Variants in COL18A1 observed in about 807,000 individuals in gnomAD.
COL18A1 encodes the protein collagen type XVIII alpha 1 chain, also known as collagen alpha-1(XVIII) chain.
Under a neutral mutation model 168.0 loss-of-function variants are expected in COL18A1, and 133 were observed. The observed-to-expected ratio is 0.79, with a 90% CI of 0.69 to 0.91. The LOEUF (loss-of-function observed/expected upper bound fraction) is 0.91. Ranked by LOEUF, COL18A1 falls within the 40% of genes least tolerant of loss-of-function variation. COL18A1 has a pLI of 0.00. For missense variants in COL18A1, 2,126 were observed against 1,925.4 expected, an observed-to-expected ratio of 1.10 and a Z score of -1.95; for synonymous variants, 949 against 809.0, an observed-to-expected ratio of 1.17 and a Z score of -2.94.
intron 36 of COL18A1, 129 bp from the exon 37 acceptor site, chr21:45,505,709 C>T (rs535928135): frequency 1.1e-4 from 84 of 781,764 alleles, no homozygotes; most frequent in Non-Finnish European, 1.4e-4. Flanking sequence ...TGGGGGCAGC[C>T]GCCTCAGTCC....
intron 32 of COL18A1, among the ~76,000 whole-genome samples, chr21:45,500,603 G>A (rs1181081829): frequency 6.5e-5 from 1 of 15,270 alleles, no homozygotes; most frequent in African/African-American, 3.1e-4. Flanking sequence ...GTGTAGTGTG[G>A]GGGTGTGGTT....
At chr21:45,440,069 C>T (rs926199888) in intron 2 of COL18A1, among the ~76,000 whole-genome samples, 3 of 152,222 alleles carry the variant, frequency 2.0e-5, no homozygotes, top group African/African-American at 7.2e-5. Context: ...GCGGAGGGGC[C>T]GGTCCTCCGA....
chr21:45,405,320 C>CCTGCGGGGGTCCTGCGGGGGTCCTGCGG (rs1569270282), intron 1 of COL18A1, 59 bp from the exon 2 acceptor site: 1 of 375,826 alleles, frequency 2.7e-6, no homozygotes, highest in Non-Finnish European at 3.3e-6. Flanking sequence ...GGGGCTCGGC[C>CCTGCGGGGGTCCTGCGGGGGTCCTGCGG]GGGTCCTGCG....
At chr21:45,417,386 C>T (rs939035445) in intron 2 of COL18A1, among the ~76,000 whole-genome samples, 3 of 152,232 alleles carry the variant, frequency 2.0e-5, no homozygotes, top group African/African-American at 4.8e-5. Context: ...GGCCCCCGAA[C>T]GTGCCTGCCT....
rs578202936 is a variant in COL18A1 at position 45,468,803 on chromosome 21, C to A, written c.651+17C>A. 1 of 1,205,740 alleles carries A rather than the reference C, an allele frequency of 8.3e-7. No homozygotes were observed. Among genetic ancestry groups the A allele is most frequent in the Middle Eastern group, 3.2e-4 (1 of 3,082 alleles). 74.7% of individuals were successfully genotyped at this position (1,205,740 alleles called of 1,614,324 possible). On this transcript the variant is annotated intron_variant, in intron 3 of 41. Coordinates refer to ENST00000651438, the MANE Select transcript of COL18A1 (RefSeq NM_001379500.1). ...AAGTTCCAGGTAACCCCCACTGTGC[C>A]GTCGCTGGGGGACTGGAGCAGCTGG... is the stretch of plus-strand genomic sequence containing the variant.
At chr21:45,411,473 T>C (rs1034771754) in intron 2 of COL18A1, among the ~76,000 whole-genome samples, 3 of 152,038 alleles carry the variant, frequency 2.0e-5, no homozygotes, top group African/African-American at 7.2e-5. Context: ...CGAGAGGCCG[T>C]GCCTGCCCGA....
rs375190388 is a variant in COL18A1 at position 45,508,277 on chromosome 21, TAGGTAGATGGGG to T, written c.3249+689_3249+700del. ...GTGGACAGGTGGGTGAGTGGATGGG[TAGGTAGATGGGG>T]AGGTGGATGGGTGGTTGCTGGACAG... On this transcript the variant is annotated intron_variant, in intron 38 of 41. Transcript: ENST00000651438. Among the ~76,000 whole-genome samples the T allele has an allele frequency of 5.9e-3, 865 of 145,614 alleles. 11 individuals are homozygous for T. The highest frequency in any genetic ancestry group is 0.021 in the African/African-American group (825 of 38,636).
chr21:45,411,309 G>A (rs2033281845), intron 2 of COL18A1, among the ~76,000 whole-genome samples: 1 of 152,166 alleles, frequency 6.6e-6, no homozygotes, highest in Admixed American at 6.5e-5. Flanking sequence ...AGGATTGGGG[G>A]CTGGCATTAG....
intron 40 of COL18A1, among the ~76,000 whole-genome samples, chr21:45,510,725 G>A (rs981753060): frequency 1.3e-5 from 2 of 152,116 alleles, no homozygotes; most frequent in Non-Finnish European, 2.9e-5. Context: ...TGGGTGCCCC[G>A]GGGAGCACCC....
chr21:45,441,491 G>A (rs1433620966), intron 2 of COL18A1, among the ~76,000 whole-genome samples: 1 of 152,110 alleles, frequency 6.6e-6, no homozygotes, highest in African/African-American at 2.4e-5. Flanking sequence ...AACCCACCTC[G>A]AGGGCTGCCA....
Position 45,490,298 on chromosome 21 carries a change from C to G in COL18A1, c.1983C>G (p.Val661=). The G allele has an allele frequency of 1.3e-6, 2 of 1,586,706 alleles. No homozygotes were observed. The highest frequency in any genetic ancestry group is 2.3e-5 in the South Asian group (2 of 87,218). ...GAKGEVGADG[V]PGFPGLPGRE... Reference sequence around the variant, plus strand: ...AGGGAGAAGTTGGAGCAGATGGAGTCCCCGGGTTCCCCGGCCTCCCTGGCA... The same window carrying G: ...AGGGAGAAGTTGGAGCAGATGGAGTGCCCGGGTTCCCCGGCCTCCCTGGCA... The change falls in exon 20 of 42, where the codon GTC becomes GTG. Residue 661 remains valine (V), a synonymous_variant. Transcript: ENST00000651438.
rs1428677374 is a variant in COL18A1, at chr21:45,498,031, A to G, written c.2683+370A>G. 1.3e-5 allele frequency among the ~76,000 whole-genome samples: 2 copies of G among 151,532 alleles called. No homozygotes were observed. Among genetic ancestry groups the G allele is most frequent in the East Asian group, 2.0e-4 (1 of 5,116 alleles). On this transcript the variant is annotated intron_variant, in intron 32 of 41. Transcript: ENST00000651438. This position sits in a 1 kb window ranked among gnomAD's most constrained non-coding sequence, Gnocchi z 4.5. The stretch of plus-strand genomic sequence containing the variant: ...GCACTGGAGGACCCTCTGTCGAGAA[A>G]CTCTCCAGGGTTTCATGTGGGAAGG...
intron 15 of COL18A1, among the ~76,000 whole-genome samples, chr21:45,483,759 A>C (rs1160889234): frequency 6.6e-6 from 1 of 152,180 alleles, no homozygotes; most frequent in African/African-American, 2.4e-5. Context: ...TGAGGGAAGG[A>C]AGGCCAGTGG....
At position 45,481,962 on chromosome 21, in the gene COL18A1, G is replaced by A; in HGVS notation, c.1612-1G>A. ...ACCCACTATGCTCTGCTCTCCCCCA[G>A]GGACCCCCAGGCCCTCCGGGAAGAG... On this transcript the variant is annotated splice_acceptor_variant, in intron 13 of 41. Transcript: ENST00000651438. LOFTEE classifies it high-confidence loss of function. The A allele has an allele frequency of 1.2e-6, 2 of 1,611,268 alleles. No individual in the cohort carries two copies. The highest frequency in any genetic ancestry group is 1.7e-6 in the Non-Finnish European group (2 of 1,177,474).
chr21:45,410,896 G>A (rs757274274), intron 2 of COL18A1, among the ~76,000 whole-genome samples: 25 of 152,254 alleles, frequency 1.6e-4, no homozygotes, highest in Non-Finnish European at 2.6e-4. Flanking sequence ...GGCTCAGGAA[G>A]AGCCTCTGAT....
intron 2 of COL18A1, among the ~76,000 whole-genome samples, chr21:45,462,117 T>C (rs74426699): frequency 0.028 from 4,273 of 152,292 alleles, 206 homozygotes; most frequent in African/African-American, 0.097. Context: ...CCAAAGTTTC[T>C]GTGACAAATC....
chr21:45,490,437 C>CGTGGGTCCCTGGGCCTCCATGTGCCCT (rs773887057), intron 20 of COL18A1, 91 bp downstream of exon 20: 1 of 1,141,576 alleles, frequency 8.8e-7, no homozygotes, highest in African/African-American at 1.6e-5. Context: ...GATGTGCCCT[C>CGTGGGTCCCTGGGCCTCCATGTGCCCT]CCGGGTCCCT....
chr21:45,419,216 C>T (rs558190264), intron 2 of COL18A1, among the ~76,000 whole-genome samples: 3 of 152,092 alleles, frequency 2.0e-5, no homozygotes, highest in South Asian at 2.1e-4. Context: ...TGTGTGGTGA[C>T]GTGCAGTTCC....
At chr21:45,413,696 TC>T (rs2033364025) in intron 2 of COL18A1, among the ~76,000 whole-genome samples, 1 of 152,134 alleles carries the variant, frequency 6.6e-6, no homozygotes, top group Non-Finnish European at 1.5e-5. Flanking sequence ...AACCTTGGGG[TC>T]CCTCTGCCAG....
Sources: allele counts gnomAD v4.1 joint callset (sites outside exome capture counted in the v4.1 genomes callset), GRCh38; gene constraint gnomAD v4.1.1; non-coding constraint Gnocchi (gnomAD v3.1); transcripts MANE v1.5; gene names NCBI Gene and HGNC (gene_info 2026-07-23, HGNC 2026-07-21).